The following FBXL2 variants were observed in gnomAD, a reference collection of about 807,000 sequenced individuals.
The protein encoded by FBXL2 is F-box/LRR-repeat protein 2.
FBXL2 carries 38 observed loss-of-function variants against 69.2 expected under a neutral mutation model. The observed-to-expected ratio is 0.55, with a 90% CI of 0.42 to 0.72. The LOEUF (loss-of-function observed/expected upper bound fraction) is 0.72. Among genes scored for constraint, FBXL2 ranks in the 30% least tolerant of loss-of-function variants. The pLI is 0.00. For synonymous variants in FBXL2, 192 were observed against 201.3 expected, an observed-to-expected ratio of 0.95 and a Z score of 0.39; for missense variants, 354 against 520.3, an observed-to-expected ratio of 0.68 and a Z score of 3.11.
intron 2 of FBXL2, among the ~76,000 whole-genome samples, chr3:33,324,665 T>A (rs1040397506): frequency 3.9e-5 from 6 of 152,192 alleles, no homozygotes; most frequent in African/African-American, 1.4e-4. Flanking sequence ...GGTCTATATA[T>A]CTGTTTTGGT....
intron 1 of FBXL2, among the ~76,000 whole-genome samples, chr3:33,285,981 A>G (rs2034571083): frequency 1.3e-5 from 2 of 152,150 alleles, no homozygotes; most frequent in South Asian, 4.1e-4. Flanking sequence ...GATGGGTTCG[A>G]ACATCCTCCT....
At chr3:33,325,694 C>T (rs1231022472) in intron 2 of FBXL2, among the ~76,000 whole-genome samples, 1 of 151,978 alleles carries the variant, frequency 6.6e-6, no homozygotes, top group Non-Finnish European at 1.5e-5. Context: ...ATTGGTCTTT[C>T]CTTTGAATAT....
chr3:33,394,301 C>T (rs550631027), intron 12 of FBXL2, among the ~76,000 whole-genome samples: 11 of 151,914 alleles, frequency 7.2e-5, no homozygotes, highest in Middle Eastern at 3.4e-3. Flanking sequence ...CCAGTTAGGC[C>T]TCCCAAAGTG....
intron 5 of FBXL2, among the ~76,000 whole-genome samples, chr3:33,366,931 C>T (rs900475118): frequency 6.6e-6 from 1 of 151,956 alleles, no homozygotes; most frequent in African/African-American, 2.4e-5. Context: ...GAACGAGACT[C>T]CATCTCAAAA....
chr3:33,281,713 C>T (rs900075074), intron 1 of FBXL2, among the ~76,000 whole-genome samples: 23 of 152,160 alleles, frequency 1.5e-4, no homozygotes, highest in Admixed American at 9.8e-4. Context: ...CCTGTTGTTT[C>T]CTGACTTTTT....
intron 2 of FBXL2, among the ~76,000 whole-genome samples, chr3:33,348,760 G>T (rs2040628713): frequency 6.6e-6 from 1 of 151,606 alleles, no homozygotes; most frequent in Non-Finnish European, 1.5e-5. Flanking sequence ...ATATCTTTCT[G>T]TTTTTTTGTG....
intron 1 of FBXL2, among the ~76,000 whole-genome samples, chr3:33,282,731 G>A (rs2034168138): frequency 6.6e-6 from 1 of 152,042 alleles, no homozygotes; most frequent in South Asian, 2.1e-4. Context: ...GTTGAGCAGT[G>A]GTTTATAGTT....
At position 33,328,801 on chromosome 3, in the gene FBXL2, ATGTGTG is replaced by A. The variant is rs60685309; in HGVS notation, c.66-30138_66-30133del. ...GGTTTGGGCAAATTTGTGTGTGTGC[ATGTGTG>A]TGTGTGTGTGTGTGTGTGTGTGTGT... On this transcript the variant is annotated intron_variant, in intron 2 of 14. Transcript: ENST00000484457. Among the ~76,000 whole-genome samples the A allele has an allele frequency of 2.0e-3, 290 of 146,720 alleles. 2 individuals carry two copies. Among genetic ancestry groups the A allele is most frequent in the Middle Eastern group, 7.0e-3 (2 of 286 alleles).
At chr3:33,378,580 T>G in intron 12 of FBXL2, 105 bp from the exon 13 acceptor site, 2 of 1,197,732 alleles carry the variant, frequency 1.7e-6, no homozygotes, top group South Asian at 3.2e-5. Flanking sequence ...TTGAGATGAG[T>G]TTTTAATTCT....
chr3:33,409,704 C>A, the FBXL2 span: 124 of 1,437,976 alleles, frequency 8.6e-5, no homozygotes, highest in East Asian at 2.5e-3. Flanking sequence ...AATTCAAGAT[C>A]CTTTAAAATA....
upstream of FBXL2, chr3:33,277,296 T>C (rs989105013): frequency 7.3e-5 from 29 of 395,214 alleles, no homozygotes; most frequent in Non-Finnish European, 1.1e-4. Flanking sequence ...AGATACGAAG[T>C]GGGAGAGGCG....
chr3:33,416,062 ACTGAGGGCCCAGCAGCACCTGGGCC>A, the FBXL2 span: 1 of 152,116 alleles, frequency 6.6e-6, no homozygotes, highest in African/African-American at 2.4e-5. Flanking sequence ...GCCCCTCCAC[ACTGAGGGCCCAGCAGCACCTGGGCC>A]CTGACATGCC....
chr3:33,327,620 G>GTT (rs2038805981), intron 2 of FBXL2, among the ~76,000 whole-genome samples: 1 of 152,050 alleles, frequency 6.6e-6, no homozygotes, highest in Admixed American at 6.6e-5. Flanking sequence ...AATAGAAAAA[G>GTT]AAGATATAGA....
In FBXL2 at chr3:33,377,185, A is replaced by G. The variant is rs555559865; in HGVS notation, c.789-88A>G. ...GAGGCAAAAGCATGTCAAAGAGCAG[A>G]AAAGACTCAAGTATGCATCATAAAA... is the stretch of plus-strand genomic sequence containing the variant. On this transcript the variant is annotated intron_variant, in intron 10 of 14. Coordinates refer to ENST00000484457, the MANE Select transcript of FBXL2 (RefSeq NM_012157.5). 4.7e-5 allele frequency: 60 copies of G among 1,283,960 alleles called. No individual in the cohort carries two copies. In the African/African-American group the frequency reaches 8.5e-4, roughly 18 times the overall value. The allele number at this position is 1,283,960 out of a possible 1,614,324, so 79.5% of individuals were successfully genotyped here.
chr3:33,300,260 G>A (rs1054198373), intron 2 of FBXL2, among the ~76,000 whole-genome samples: 1 of 152,000 alleles, frequency 6.6e-6, no homozygotes, highest in African/African-American at 2.4e-5. Flanking sequence ...TCTGTCTGTT[G>A]ATACCAAAAA....
intron 2 of FBXL2, among the ~76,000 whole-genome samples, chr3:33,318,572 A>T (rs1443607981): frequency 6.6e-6 from 1 of 152,158 alleles, no homozygotes; most frequent in Non-Finnish European, 1.5e-5. Flanking sequence ...CTTCAGATGC[A>T]TGTTTCCTGT....
the FBXL2 span, among the ~76,000 whole-genome samples, chr3:33,420,558 G>A: frequency 3.5e-5 from 5 of 141,074 alleles, no homozygotes; most frequent in Non-Finnish European, 6.0e-5. Flanking sequence ...GCACAATCTT[G>A]GCTCACTGCA....
chr3:33,337,129 C>T (rs1343088400), intron 2 of FBXL2, among the ~76,000 whole-genome samples: 2 of 152,002 alleles, frequency 1.3e-5, no homozygotes, highest in Non-Finnish European at 1.5e-5. Flanking sequence ...CGCTTGAACC[C>T]GGGAGGTGGA....
At chr3:33,319,807 G>C (rs569666144) in intron 2 of FBXL2, among the ~76,000 whole-genome samples, 2 of 151,926 alleles carry the variant, frequency 1.3e-5, no homozygotes, top group African/African-American at 4.8e-5. Context: ...TTTTCTAGGG[G>C]CACAAGAAGG....
Sources: allele counts gnomAD v4.1 joint callset (sites outside exome capture counted in the v4.1 genomes callset), GRCh38; gene constraint gnomAD v4.1.1; transcripts MANE v1.5; gene names NCBI Gene and HGNC (gene_info 2026-07-23, HGNC 2026-07-21).